VCF1: variants seen among roughly 807,000 people sequenced by gnomAD.
VCF1 encodes protein VCF1.
the VCF1 span, among the ~76,000 whole-genome samples, chr17:73,210,757 A>AATTTTTT: frequency 7.4e-6 from 1 of 135,122 alleles, no homozygotes; most frequent in Non-Finnish European, 1.6e-5. Context: ...ATGCCTCGTT[A>AATTTTTT]TTTTTTTTTT....
At chr17:73,216,957 A>G in the VCF1 span, among the ~76,000 whole-genome samples, 13 of 152,350 alleles carry the variant, frequency 8.5e-5, no homozygotes, top group African/African-American at 3.1e-4. Context: ...AGACAGAAAT[A>G]TTAATCACTA....
chr17:73,229,153 G>GCCTC, the VCF1 span: 2 of 985,306 alleles, frequency 2.0e-6, no homozygotes, highest in African/African-American at 3.5e-5. Context: ...TAAATTACTT[G>GCCTC]ATCTCTCAAG....
the VCF1 span, among the ~76,000 whole-genome samples, chr17:73,225,899 A>ATATATATATTTTTT: frequency 8.7e-6 from 1 of 114,842 alleles, no homozygotes; most frequent in African/African-American, 3.8e-5. Context: ...ATATATATAT[A>ATATATATATTTTTT]TTTTTTTTTT....
At chr17:73,215,041 T>A in the VCF1 span, among the ~76,000 whole-genome samples, 3 of 152,186 alleles carry the variant, frequency 2.0e-5, no homozygotes, top group African/African-American at 7.2e-5. Flanking sequence ...CTGCGTGTGA[T>A]CTGTGAAATA....
chr17:73,212,831 G>T, the VCF1 span: 2 of 843,474 alleles, frequency 2.4e-6, no homozygotes, highest in Non-Finnish European at 1.8e-6. Flanking sequence ...TAGCACAAGG[G>T]TGATGCTACT....
the VCF1 span, chr17:73,227,270 A>G: frequency 1.4e-5 from 21 of 1,545,878 alleles, no homozygotes; most frequent in South Asian, 2.6e-4. Flanking sequence ...TTTTCCTGAA[A>G]TTAAATCACA....
chr17:73,207,972 C>T, the VCF1 span: 1 of 1,251,054 alleles, frequency 8.0e-7, no homozygotes. Flanking sequence ...CATCCAGTCC[C>T]TAAGCATGGG....
the VCF1 span, chr17:73,208,684 TCAA>T: frequency 1.2e-4 from 70 of 568,498 alleles, no homozygotes; most frequent in African/African-American, 1.1e-3. Context: ...TTATCAGCGT[TCAA>T]CAACACCTTA....
At chr17:73,227,224 G>C in the VCF1 span, 1 of 1,581,856 alleles carries the variant, frequency 6.3e-7, no homozygotes, top group Non-Finnish European at 8.6e-7. Context: ...GTCTGGGGGG[G>C]AAGATGGTTG....
the VCF1 span, among the ~76,000 whole-genome samples, chr17:73,225,691 T>C: frequency 6.6e-6 from 1 of 151,720 alleles, no homozygotes; most frequent in Non-Finnish European, 1.5e-5. Flanking sequence ...AGTCTTACAA[T>C]TCAAAAGAAT....
the VCF1 span, among the ~76,000 whole-genome samples, chr17:73,210,765 T>A: frequency 6.6e-6 from 1 of 150,932 alleles, no homozygotes; most frequent in African/African-American, 2.4e-5. Context: ...TTATTTTTTT[T>A]TTTTTTTTTT....
chr17:73,210,851 T>A, the VCF1 span, among the ~76,000 whole-genome samples: 10 of 150,144 alleles, frequency 6.7e-5, no homozygotes, highest in Non-Finnish European at 1.5e-4. Context: ...CCTCCTGCCT[T>A]GGCCTCTGAA....
At chr17:73,222,821 T>C in the VCF1 span, among the ~76,000 whole-genome samples, 4 of 150,940 alleles carry the variant, frequency 2.7e-5, no homozygotes, top group Admixed American at 1.3e-4. Flanking sequence ...AGGCTCTAGC[T>C]GCTCCTGGAT....
the VCF1 span, among the ~76,000 whole-genome samples, chr17:73,220,212 CATT>C: frequency 1.3e-5 from 2 of 152,098 alleles, no homozygotes; most frequent in African/African-American, 4.8e-5. Context: ...TATGAATTCA[CATT>C]ATTTTTTAAA....
At chr17:73,224,005 G>A in the VCF1 span, among the ~76,000 whole-genome samples, 1 of 146,622 alleles carries the variant, frequency 6.8e-6, no homozygotes, top group East Asian at 2.1e-4. Flanking sequence ...AGGGAGGAAG[G>A]AAAGGAGGGA....
the VCF1 span, chr17:73,232,300 C>A: frequency 6.3e-7 from 1 of 1,580,756 alleles, no homozygotes; most frequent in Non-Finnish European, 8.6e-7. Flanking sequence ...GCTCCGCGCC[C>A]CCCCATGTCG....
At chr17:73,209,489 A>G in the VCF1 span, 1 of 1,554,166 alleles carries the variant, frequency 6.4e-7, no homozygotes, top group Non-Finnish European at 8.7e-7. Context: ...AAATCTGCAC[A>G]GCGCTGTCCC....
the VCF1 span, among the ~76,000 whole-genome samples, chr17:73,225,201 T>C: frequency 6.6e-6 from 1 of 152,148 alleles, no homozygotes; most frequent in South Asian, 2.1e-4. Context: ...AGATAATGAT[T>C]ACGGAGTGGC....
the VCF1 span, chr17:73,208,114 C>A: frequency 6.9e-7 from 1 of 1,456,216 alleles, no homozygotes. Flanking sequence ...TTTCCAAATT[C>A]TAGTTTTGTC....
Sources: allele counts gnomAD v4.1 joint callset (sites outside exome capture counted in the v4.1 genomes callset), GRCh38; gene constraint gnomAD v4.1.1; transcripts MANE v1.5; gene names NCBI Gene and HGNC (gene_info 2026-07-23, HGNC 2026-07-21).